Variants in RPS6KC1 observed in about 807,000 individuals in gnomAD.
RPS6KC1 encodes ribosomal protein S6 kinase C1.
RPS6KC1 carries 54 observed loss-of-function variants against 103.8 expected under a neutral mutation model. The observed-to-expected ratio is 0.52, with a 90% CI of 0.42 to 0.65. RPS6KC1 has a LOEUF of 0.65. Among genes scored for constraint, RPS6KC1 ranks in the 30% least tolerant of loss-of-function variants. The probability of loss-of-function intolerance (pLI) is 0.00; values close to 1 mark genes in which losing one functional copy is unlikely to be tolerated. For synonymous variants in RPS6KC1, 439 were observed against 438.7 expected, an observed-to-expected ratio of 1.00 and a Z score of -0.01; for missense variants, 1,151 against 1,253.8, an observed-to-expected ratio of 0.92 and a Z score of 1.24.
chr1:213,688,173 G>A, the RPS6KC1 span, among the ~76,000 whole-genome samples: 8 of 152,024 alleles, frequency 5.3e-5, no homozygotes, highest in Non-Finnish European at 1.0e-4. Flanking sequence ...TGTGGAATGC[G>A]GAGACCTTGG....
the RPS6KC1 span, among the ~76,000 whole-genome samples, chr1:213,610,740 C>T: frequency 7.2e-5 from 11 of 152,278 alleles, no homozygotes; most frequent in African/African-American, 2.4e-4. Context: ...TTACATATGT[C>T]GGCTGACCAC....
chr1:213,466,657 G>A, the RPS6KC1 span, among the ~76,000 whole-genome samples: 1 of 152,160 alleles, frequency 6.6e-6, no homozygotes, highest in Admixed American at 6.5e-5. Flanking sequence ...GATGCTCTAA[G>A]GCCCTTGGAA....
At chr1:213,326,574 C>A in the RPS6KC1 span, among the ~76,000 whole-genome samples, 8 of 152,292 alleles carry the variant, frequency 5.3e-5, no homozygotes, top group South Asian at 1.5e-3. Context: ...TATTACCCCC[C>A]CAAACAATAT....
chr1:213,552,671 A>C, the RPS6KC1 span, among the ~76,000 whole-genome samples: 1 of 152,184 alleles, frequency 6.6e-6, no homozygotes, highest in Non-Finnish European at 1.5e-5. Flanking sequence ...AACTGACATA[A>C]AGTCTCAATC....
At chr1:213,194,311 T>A (rs571562478) in intron 8 of RPS6KC1, among the ~76,000 whole-genome samples, 1 of 152,342 alleles carries the variant, frequency 6.6e-6, no homozygotes, top group South Asian at 2.1e-4. Flanking sequence ...ATGTTCAATG[T>A]TATTGTTGAT....
chr1:213,266,834 C>A (rs2094922141), intron 14 of RPS6KC1, among the ~76,000 whole-genome samples: 2 of 151,664 alleles, frequency 1.3e-5, no homozygotes, highest in South Asian at 2.1e-4. Flanking sequence ...ACCTGGGAGG[C>A]AGAGGTTGCA....
At chr1:213,738,344 C>CA in the RPS6KC1 span, among the ~76,000 whole-genome samples, 1 of 152,020 alleles carries the variant, frequency 6.6e-6, no homozygotes, top group African/African-American at 2.4e-5. Context: ...AAACCCATAT[C>CA]AAAAAGACAA....
chr1:213,543,721 A>G, the RPS6KC1 span, among the ~76,000 whole-genome samples: 858 of 152,348 alleles, frequency 5.6e-3, 8 homozygotes, highest in South Asian at 0.03. Context: ...GAATTGCTCT[A>G]TCCTTGAGTC....
At chr1:213,824,649 G>A in the RPS6KC1 span, among the ~76,000 whole-genome samples, 1 of 152,154 alleles carries the variant, frequency 6.6e-6, no homozygotes, top group Admixed American at 6.5e-5. Context: ...TAGTGAATAA[G>A]TCTCATGAGA....
chr1:213,666,775 C>T, the RPS6KC1 span, among the ~76,000 whole-genome samples: 2 of 152,198 alleles, frequency 1.3e-5, no homozygotes, highest in African/African-American at 4.8e-5. Flanking sequence ...TTAAGCTGTC[C>T]TCTTAAGCTC....
the RPS6KC1 span, among the ~76,000 whole-genome samples, chr1:213,417,896 G>T: frequency 6.6e-6 from 1 of 152,242 alleles, no homozygotes; most frequent in African/African-American, 2.4e-5. Flanking sequence ...CATGAGGCAG[G>T]TGATACCGGT....
chr1:213,349,627 T>A, the RPS6KC1 span, among the ~76,000 whole-genome samples: 5 of 152,308 alleles, frequency 3.3e-5, no homozygotes, highest in South Asian at 2.1e-4. Context: ...AGGAGGATAA[T>A]TCGTAGTTAC....
chr1:213,124,429 C>T (rs1397650906), intron 5 of RPS6KC1, among the ~76,000 whole-genome samples: 1 of 152,156 alleles, frequency 6.6e-6, no homozygotes, highest in Non-Finnish European at 1.5e-5. Flanking sequence ...GAGAACCTGT[C>T]ACTTGCTTGT....
At chr1:213,305,537 G>T in the RPS6KC1 span, among the ~76,000 whole-genome samples, 1 of 152,174 alleles carries the variant, frequency 6.6e-6, no homozygotes, top group African/African-American at 2.4e-5. Flanking sequence ...CTCCAACTCC[G>T]TTCAGCTGAG....
chr1:213,272,011 T>A (rs2149189916), intron 14 of RPS6KC1, among the ~76,000 whole-genome samples: 1 of 152,280 alleles, frequency 6.6e-6, no homozygotes, highest in Middle Eastern at 3.4e-3. Flanking sequence ...TTAAATTATT[T>A]CATTTGTGTC....
In RPS6KC1 at chr1:213,241,664, G is replaced by A. The variant is rs2094356299; in HGVS notation, c.2188G>A (p.Asp730Asn). 1 of 1,613,866 alleles carries A rather than the reference G, an allele frequency of 6.2e-7. No individual in the cohort carries two copies. Among genetic ancestry groups the A allele is most frequent in the Middle Eastern group, 1.7e-4 (1 of 6,060 alleles). ...IIENKLLEAP[D>N]VLCLRLSTEQ... ...AGAAAATAAACTCTTGGAAGCCCCT[G>A]ATGTTTTATGCCTCAGGCTTAGTAC... The change falls in exon 11 of 15, where the codon GAT (aspartate) becomes AAT (asparagine). Residue 730 changes from aspartate to asparagine, a missense_variant. Transcript: ENST00000366960.
chr1:213,214,030 C>T (rs1309612640), intron 8 of RPS6KC1, among the ~76,000 whole-genome samples: 1 of 152,024 alleles, frequency 6.6e-6, no homozygotes, highest in African/African-American at 2.4e-5. Flanking sequence ...ACAGTGGGTG[C>T]AGGACAGTGG....
chr1:213,490,695 C>T, the RPS6KC1 span, among the ~76,000 whole-genome samples: 1 of 152,164 alleles, frequency 6.6e-6, no homozygotes, highest in East Asian at 1.9e-4. Context: ...GATGGCAGGA[C>T]TGTGAGTAGT....
the RPS6KC1 span, among the ~76,000 whole-genome samples, chr1:213,654,643 G>T: frequency 6.6e-6 from 1 of 152,104 alleles, no homozygotes; most frequent in Non-Finnish European, 1.5e-5. Context: ...ATTCAGAATG[G>T]CATGAGGGGA....
Sources: allele counts gnomAD v4.1 joint callset (sites outside exome capture counted in the v4.1 genomes callset), GRCh38; gene constraint gnomAD v4.1.1; transcripts MANE v1.5; gene names NCBI Gene and HGNC (gene_info 2026-07-23, HGNC 2026-07-21).